AMBRA1: variants seen among roughly 807,000 people sequenced by gnomAD.
The protein encoded by AMBRA1 is activating molecule in BECN1-regulated autophagy protein 1.
A neutral mutation model predicts 125.4 loss-of-function variants in AMBRA1; 47 were observed. The observed-to-expected ratio is 0.37, with a 90% CI of 0.30 to 0.48. AMBRA1 has a LOEUF of 0.48. Among genes scored for constraint, AMBRA1 ranks in the 20% least tolerant of loss-of-function variants. AMBRA1 has a pLI of 0.99. For synonymous variants in AMBRA1, 626 were observed against 655.5 expected (o/e 0.95, Z 0.69); for missense variants, 1,331 against 1,693.4 (o/e 0.79, Z 3.76).
intron 12 of AMBRA1, among the ~76,000 whole-genome samples, chr11:46,441,383 G>A (rs559198182): frequency 1.1e-3 from 161 of 152,030 alleles, no homozygotes; most frequent in Non-Finnish European, 1.8e-3. Context: ...GTGTGGTGGC[G>A]TGCACCTGTA....
At chr11:46,402,706 GAC>G (rs1945823370) in intron 17 of AMBRA1, among the ~76,000 whole-genome samples, 1 of 152,222 alleles carries the variant, frequency 6.6e-6, no homozygotes, top group Non-Finnish European at 1.5e-5. Context: ...TGAGGGAAGA[GAC>G]ACAATGGATT....
intron 1 of AMBRA1, among the ~76,000 whole-genome samples, chr11:46,571,740 A>AGT (rs2043766593): frequency 1.5e-5 from 2 of 133,022 alleles, no homozygotes; most frequent in Non-Finnish European, 1.5e-5. Flanking sequence ...CCCAGGCTGG[A>AGT]GTGCAGTGGC....
At chr11:46,555,232 T>C (rs1219264125) in intron 1 of AMBRA1, among the ~76,000 whole-genome samples, 1 of 152,200 alleles carries the variant, frequency 6.6e-6, no homozygotes, top group African/African-American at 2.4e-5. Context: ...GAGACAATTA[T>C]ATTTAACAAC....
chr11:46,429,997 G>A (rs1277221623), intron 14 of AMBRA1, among the ~76,000 whole-genome samples: 5 of 152,124 alleles, frequency 3.3e-5, no homozygotes, highest in Admixed American at 2.6e-4. Flanking sequence ...TGGGAAGGGA[G>A]AGAGAAAATA....
At chr11:46,412,478 A>T (rs1336300727) in intron 15 of AMBRA1, among the ~76,000 whole-genome samples, 2 of 151,926 alleles carry the variant, frequency 1.3e-5, no homozygotes, top group African/African-American at 4.8e-5. Context: ...TTTTGTAGAG[A>T]CAGGGTTTCA....
At chr11:46,545,073 C>G (rs1337134650) in intron 5 of AMBRA1, among the ~76,000 whole-genome samples, 1 of 141,452 alleles carries the variant, frequency 7.1e-6, no homozygotes, top group East Asian at 2.1e-4. Flanking sequence ...GCTGCAGTAA[C>G]TTGGGCCCAT....
intron 1 of AMBRA1, among the ~76,000 whole-genome samples, chr11:46,565,121 G>C (rs1006236907): frequency 6.6e-6 from 1 of 151,704 alleles, no homozygotes; most frequent in Non-Finnish European, 1.5e-5. Context: ...GCTGGGCATG[G>C]TGGCATTCGC....
chr11:46,585,695 A>AAAATATAT (rs1555017410), intron 1 of AMBRA1, among the ~76,000 whole-genome samples: 4 of 22,910 alleles, frequency 1.7e-4, no homozygotes, highest in South Asian at 1.4e-3. Flanking sequence ...AAAAAAAAAA[A>AAAATATAT]ATATATATAT....
chr11:46,468,409 A>G (rs142263743), intron 11 of AMBRA1, among the ~76,000 whole-genome samples: 4 of 152,064 alleles, frequency 2.6e-5, no homozygotes, highest in Non-Finnish European at 5.9e-5. Flanking sequence ...AAGGAGGCCC[A>G]AGCATTACCC....
In AMBRA1 at chr11:46,593,896, G is replaced by T; in HGVS notation, c.-189C>A. On this transcript the variant is annotated 5_prime_UTR_variant, in exon 1 of 18. Coordinates refer to ENST00000683756, the MANE Select transcript of AMBRA1 (RefSeq NM_001387011.1). ...CTGAGCCACAGGGAAAAAGAAAGAG[G>T]AGACAGGAATAAAGGAAGGGGTCCG... The T allele has an allele frequency of 2.5e-6, 1 of 398,524 alleles. No homozygotes were observed. Among genetic ancestry groups the T allele is most frequent in the South Asian group, 1.3e-4 (1 of 7,726 alleles). The allele number at this position is 398,524 out of a possible 1,614,324, so 24.7% of individuals were successfully genotyped here. A position where few individuals can be genotyped will look rare whatever the true frequency, so the allele number is the denominator to read the frequency against.
At chr11:46,576,827 AAG>A (rs1341824419) in intron 1 of AMBRA1, among the ~76,000 whole-genome samples, 1 of 152,240 alleles carries the variant, frequency 6.6e-6, no homozygotes, top group Non-Finnish European at 1.5e-5. Flanking sequence ...GAACATGATT[AAG>A]AGTCTTAAAT....
chr11:46,528,567 G>A (rs1190868202), intron 7 of AMBRA1, among the ~76,000 whole-genome samples: 3 of 152,138 alleles, frequency 2.0e-5, no homozygotes, highest in Non-Finnish European at 2.9e-5. Context: ...ATTAATAAGA[G>A]GTACCTAAAG....
chr11:46,563,342 G>C (rs1399313909), intron 1 of AMBRA1, among the ~76,000 whole-genome samples: 2 of 151,952 alleles, frequency 1.3e-5, no homozygotes, highest in Non-Finnish European at 2.9e-5. Flanking sequence ...TTCCCATCTC[G>C]GCCTCCCCAG....
intron 9 of AMBRA1, among the ~76,000 whole-genome samples, chr11:46,503,264 T>C (rs1590969732): frequency 6.6e-6 from 1 of 152,024 alleles, no homozygotes; most frequent in African/African-American, 2.4e-5. Context: ...ATAGGGATAT[T>C]AAATGGCCTA....
At chr11:46,523,184 T>C (rs1951831353) in intron 7 of AMBRA1, among the ~76,000 whole-genome samples, 1 of 152,228 alleles carries the variant, frequency 6.6e-6, no homozygotes, top group South Asian at 2.1e-4. Context: ...ATCACTTTTC[T>C]TATATCCAAG....
intron 11 of AMBRA1, among the ~76,000 whole-genome samples, chr11:46,475,717 T>C (rs545910099): frequency 6.6e-6 from 1 of 152,298 alleles, no homozygotes; most frequent in South Asian, 2.1e-4. Context: ...AAATGTCAAA[T>C]AGTCAACTTG....
intron 1 of AMBRA1, among the ~76,000 whole-genome samples, chr11:46,549,671 T>C (rs1292470809): frequency 6.6e-6 from 1 of 152,226 alleles, no homozygotes; most frequent in African/African-American, 2.4e-5. Flanking sequence ...ATTTCATTTA[T>C]GGTTGACTTA....
At chr11:46,577,241 G>GTGAT (rs2043989146) in intron 1 of AMBRA1, among the ~76,000 whole-genome samples, 1 of 152,174 alleles carries the variant, frequency 6.6e-6, no homozygotes, top group Non-Finnish European at 1.5e-5. Flanking sequence ...ATAAACAAAT[G>GTGAT]TGATGTATAC....
chr11:46,571,847 G>A (rs1321959133), intron 1 of AMBRA1, among the ~76,000 whole-genome samples: 1 of 151,382 alleles, frequency 6.6e-6, no homozygotes, highest in Non-Finnish European at 1.5e-5. Flanking sequence ...GCACCACCAC[G>A]CCCAGCTAAT....
Sources: gnomAD v4.1 joint callset for allele counts (sites outside exome capture counted in the v4.1 genomes callset) on GRCh38, gnomAD v4.1.1 for gene constraint, MANE v1.5 for transcripts, NCBI Gene and HGNC (gene_info 2026-07-23, HGNC 2026-07-21) for gene names.